CYP39A1: variants seen among roughly 807,000 people sequenced by gnomAD.
CYP39A1 encodes the protein cytochrome P450 family 39 subfamily A member 1.
Under a neutral mutation model 58.1 loss-of-function variants are expected in CYP39A1, and 49 were observed. The observed-to-expected ratio is 0.84, with a 90% CI of 0.67 to 1.07. CYP39A1 has a LOEUF of 1.07. CYP39A1 is among the 50% of genes least tolerant of loss of function. CYP39A1 has a pLI of 0.00. For synonymous variants in CYP39A1, 209 were observed against 187.6 expected, an observed-to-expected ratio of 1.11 and a Z score of -0.93; for missense variants, 531 against 539.4, an observed-to-expected ratio of 0.98 and a Z score of 0.16.
At chr6:46,567,987 ATTT>A (rs1057001059) in intron 10 of CYP39A1, among the ~76,000 whole-genome samples, 5 of 146,026 alleles carry the variant, frequency 3.4e-5, no homozygotes, top group Admixed American at 6.7e-5. Context: ...CTTATAAGAC[ATTT>A]TTTTTTAAAA....
intron 10 of CYP39A1, among the ~76,000 whole-genome samples, chr6:46,559,376 T>C (rs770231336): frequency 6.6e-6 from 1 of 152,192 alleles, no homozygotes; most frequent in Non-Finnish European, 1.5e-5. Flanking sequence ...TGTAAAGGCA[T>C]ATAAGGTTAG....
At chr6:46,550,851 G>A (rs1770355071) in intron 11 of CYP39A1, among the ~76,000 whole-genome samples, 2 of 152,162 alleles carry the variant, frequency 1.3e-5, no homozygotes, top group Non-Finnish European at 2.9e-5. Flanking sequence ...GGTGATGTGA[G>A]CCACTTATAG....
chr6:46,639,906 G>A (rs1170894617), intron 2 of CYP39A1, among the ~76,000 whole-genome samples: 2 of 152,142 alleles, frequency 1.3e-5, no homozygotes, highest in Non-Finnish European at 2.9e-5. Context: ...CTTGAGGTCA[G>A]AAGTTCCAGA....
At chr6:46,559,218 G>A (rs1770836881) in intron 10 of CYP39A1, among the ~76,000 whole-genome samples, 3 of 152,120 alleles carry the variant, frequency 2.0e-5, no homozygotes, top group Admixed American at 1.3e-4. Flanking sequence ...AGCCCCTCAT[G>A]TTACTCTATA....
rs189956424 is a variant in CYP39A1, at chr6:46,578,756, C to A, written c.1250+8321G>T. Among the ~76,000 whole-genome samples the A allele has an allele frequency of 1.7e-4, 26 of 152,070 alleles. No individual in the cohort carries two copies. The East Asian group carries it at 5.0e-3, about 29-fold the overall frequency. On this transcript the variant is annotated intron_variant, in intron 10 of 11. Transcript: ENST00000275016. ...GATTTTACCAGGAAGAAACTGAAAT[C>A]CTGAACAGACCAATAATGAGTTCTG... is the stretch of plus-strand genomic sequence containing the variant.
intron 10 of CYP39A1, among the ~76,000 whole-genome samples, chr6:46,568,417 TTGTC>T (rs1190622625): frequency 2.0e-5 from 3 of 152,166 alleles, no homozygotes; most frequent in Non-Finnish European, 2.9e-5. Context: ...AAGTCCAATT[TTGTC>T]TATTTTTCAT....
At chr6:46,596,469 T>G (rs751267705) in intron 7 of CYP39A1, among the ~76,000 whole-genome samples, 8 of 152,074 alleles carry the variant, frequency 5.3e-5, no homozygotes, top group Non-Finnish European at 1.2e-4. Context: ...ATTCCACTTA[T>G]GTAAAAAGCA....
intron 7 of CYP39A1, among the ~76,000 whole-genome samples, chr6:46,613,976 C>A (rs1774378255): frequency 6.8e-6 from 1 of 147,712 alleles, no homozygotes. Context: ...AATATGTACT[C>A]TAAATATTTA....
intron 8 of CYP39A1, among the ~76,000 whole-genome samples, chr6:46,592,140 A>G (rs1391185558): frequency 6.6e-6 from 1 of 152,206 alleles, no homozygotes; most frequent in African/African-American, 2.4e-5. Flanking sequence ...AATCCAAGAA[A>G]GTAGAGAGTG....
chr6:46,605,817 C>T (rs1383418846), intron 7 of CYP39A1, among the ~76,000 whole-genome samples: 2 of 152,198 alleles, frequency 1.3e-5, no homozygotes, highest in Admixed American at 1.3e-4. Context: ...AATTTAAATT[C>T]TAGATCTTAC....
intron 7 of CYP39A1, among the ~76,000 whole-genome samples, chr6:46,612,538 C>T (rs1774276736): frequency 6.6e-6 from 1 of 152,140 alleles, no homozygotes; most frequent in Non-Finnish European, 1.5e-5. Flanking sequence ...AGAAGCTCCT[C>T]CATAATCTAC....
chr6:46,601,663 A>G (rs1020457750), intron 7 of CYP39A1, among the ~76,000 whole-genome samples: 4 of 138,518 alleles, frequency 2.9e-5, no homozygotes, highest in South Asian at 2.3e-4. Context: ...ATCTCAGGTT[A>G]CCTATTATTA....
chr6:46,606,239 T>C (rs1239437522), intron 7 of CYP39A1, among the ~76,000 whole-genome samples: 1 of 152,188 alleles, frequency 6.6e-6, no homozygotes, highest in Non-Finnish European at 1.5e-5. Flanking sequence ...ATAAATGTAT[T>C]AGAGATGTAG....
intron 10 of CYP39A1, among the ~76,000 whole-genome samples, chr6:46,582,845 AT>A (rs1561964125): frequency 6.9e-4 from 105 of 152,226 alleles, no homozygotes; most frequent in African/African-American, 2.4e-3. Flanking sequence ...TTTGTTTTCC[AT>A]GATAACTCCC....
chr6:46,622,250 G>A (rs919771919), intron 7 of CYP39A1, among the ~76,000 whole-genome samples: 2 of 152,070 alleles, frequency 1.3e-5, no homozygotes, highest in African/African-American at 4.8e-5. Context: ...ACTAGACAGT[G>A]TTGATGGTTG....
At chr6:46,605,655 C>G (rs1171539587) in intron 7 of CYP39A1, among the ~76,000 whole-genome samples, 1 of 152,122 alleles carries the variant, frequency 6.6e-6, no homozygotes, top group African/African-American at 2.4e-5. Context: ...AAGCCTCTAC[C>G]TCTTGCCTCC....
At chr6:46,592,987 T>C (rs1160151695) in intron 8 of CYP39A1, among the ~76,000 whole-genome samples, 1 of 152,040 alleles carries the variant, frequency 6.6e-6, no homozygotes, top group Non-Finnish European at 1.5e-5. Flanking sequence ...TAAAACAATC[T>C]AAATTCTGAA....
intron 8 of CYP39A1, among the ~76,000 whole-genome samples, chr6:46,591,818 C>T (rs1772854384): frequency 1.3e-5 from 2 of 152,046 alleles, no homozygotes. Flanking sequence ...AGTCACTTAT[C>T]CTACATTAAA....
chr6:46,648,694 C>T (rs1582476865), intron 1 of CYP39A1, among the ~76,000 whole-genome samples: 1 of 152,028 alleles, frequency 6.6e-6, no homozygotes, highest in African/African-American at 2.4e-5. Context: ...TAAACCTACT[C>T]TTATGCAAAC....
Sources: gnomAD v4.1 joint callset for allele counts (sites outside exome capture counted in the v4.1 genomes callset) on GRCh38, gnomAD v4.1.1 for gene constraint, MANE v1.5 for transcripts, NCBI Gene and HGNC (gene_info 2026-07-23, HGNC 2026-07-21) for gene names.